The following GABRG1 variants were observed in gnomAD, a reference collection of about 807,000 sequenced individuals.
The protein encoded by GABRG1 is gamma-aminobutyric acid type A receptor subunit gamma1.
A neutral mutation model predicts 49.8 loss-of-function variants in GABRG1; 49 were observed. The observed-to-expected ratio is 0.98, with a 90% confidence interval of 0.78 to 1.25. The LOEUF is 1.25. Among genes scored for constraint, GABRG1 ranks in the 50% most tolerant of loss-of-function variants. The pLI is 0.00. For missense variants in GABRG1, 552 were observed against 552.3 expected, an observed-to-expected ratio of 1.00 and a Z score of 0.01; for synonymous variants, 232 against 185.1, an observed-to-expected ratio of 1.25 and a Z score of -2.06.
chr4:46,061,813 C>CT (rs144801321), intron 5 of GABRG1, among the ~76,000 whole-genome samples: 1 of 145,996 alleles, frequency 6.8e-6, no homozygotes, highest in East Asian at 2.0e-4. Context: ...TTACCACTTA[C>CT]ATTTTTTTTT....
chr4:46,106,490 T>TTTATTTTGC (rs1165309337), intron 1 of GABRG1, among the ~76,000 whole-genome samples: 1 of 151,474 alleles, frequency 6.6e-6, no homozygotes, highest in Non-Finnish European at 1.5e-5. Flanking sequence ...TTGCCATTGT[T>TTTATTTTGC]TTATTTTGCA....
At chr4:46,077,162 A>AG (rs1719381299) in intron 3 of GABRG1, among the ~76,000 whole-genome samples, 1 of 78,852 alleles carries the variant, frequency 1.3e-5, no homozygotes, top group African/African-American at 5.0e-5. Flanking sequence ...GGGTAGGGGG[A>AG]GGGGGGAGGG....
chr4:46,063,360 C>T (rs1055044339), intron 5 of GABRG1, among the ~76,000 whole-genome samples: 50 of 151,874 alleles, frequency 3.3e-4, no homozygotes, highest in East Asian at 1.6e-3. Flanking sequence ...TCAGAAATAA[C>T]GCCACATATC....
At chr4:46,101,866 C>T (rs1207872555) in intron 1 of GABRG1, among the ~76,000 whole-genome samples, 1 of 151,466 alleles carries the variant, frequency 6.6e-6, no homozygotes, top group Non-Finnish European at 1.5e-5. Context: ...AAACAGTTTG[C>T]TTTAATTGTC....
intron 8 of GABRG1, among the ~76,000 whole-genome samples, chr4:46,042,070 C>T (rs1717807895): frequency 6.6e-6 from 1 of 151,856 alleles, no homozygotes; most frequent in Admixed American, 6.6e-5. Context: ...ATGTTTTCTT[C>T]TGTACAAAAA....
intron 1 of GABRG1, among the ~76,000 whole-genome samples, chr4:46,101,642 T>A (rs771496435): frequency 6.6e-6 from 1 of 151,654 alleles, no homozygotes; most frequent in Non-Finnish European, 1.5e-5. Context: ...CATTTTCTAA[T>A]AAAGGAGAAA....
chr4:46,079,025 G>A (rs1719463459), intron 3 of GABRG1, among the ~76,000 whole-genome samples: 1 of 150,316 alleles, frequency 6.7e-6, no homozygotes, highest in African/African-American at 2.4e-5. Flanking sequence ...AATAAATAAT[G>A]TTTGTGACTT....
intron 2 of GABRG1, among the ~76,000 whole-genome samples, chr4:46,093,679 T>G (rs538549635): frequency 1.0e-3 from 159 of 152,140 alleles, no homozygotes; most frequent in African/African-American, 3.7e-3. Flanking sequence ...ACACATTCTA[T>G]GTGTATATAA....
At chr4:46,076,399 A>ATATATGC (rs1719333563) in intron 3 of GABRG1, among the ~76,000 whole-genome samples, 1 of 142,090 alleles carries the variant, frequency 7.0e-6, no homozygotes, top group Non-Finnish European at 1.5e-5. Context: ...ATATATATAT[A>ATATATGC]TATATGCTAA....
intron 5 of GABRG1, among the ~76,000 whole-genome samples, chr4:46,063,002 C>T (rs1281541588): frequency 6.6e-6 from 1 of 151,208 alleles, no homozygotes; most frequent in Non-Finnish European, 1.5e-5. Flanking sequence ...CAAACCACTG[C>T]TCAATGAAAT....
intron 1 of GABRG1, among the ~76,000 whole-genome samples, chr4:46,118,853 G>A (rs556218048): frequency 2.0e-5 from 3 of 151,308 alleles, no homozygotes; most frequent in Admixed American, 6.6e-5. Flanking sequence ...GCCTGAGAAC[G>A]CACTAACAAG....
intron 1 of GABRG1, among the ~76,000 whole-genome samples, chr4:46,123,067 T>TCTC (rs1721136776): frequency 2.1e-5 from 3 of 143,964 alleles, no homozygotes; most frequent in Admixed American, 7.0e-5. Context: ...GGTGACACTT[T>TCTC]TCTCTCTCTC....
At chr4:46,043,585 T>C (rs1162398848) in intron 8 of GABRG1, among the ~76,000 whole-genome samples, 2 of 151,964 alleles carry the variant, frequency 1.3e-5, no homozygotes, top group African/African-American at 2.4e-5. Flanking sequence ...GTCTTATTTA[T>C]CTGAAGTGCA....
rs980194596 is a variant in GABRG1 at position 46,036,872 on chromosome 4, C to T, written c.*4116G>A. 1 of 151,918 alleles carries T rather than the reference C, an allele frequency of 6.6e-6. No homozygotes were observed. The highest frequency in any genetic ancestry group is 2.1e-4 in the South Asian group (1 of 4,828). 9.4% of individuals were successfully genotyped at this position (151,918 alleles called of 1,614,324 possible). The stretch of plus-strand genomic sequence containing the variant: ...GTAATTTCCCCTAGCCTCCTGAAGT[C>T]CACATTCGTACTTCTCAGTTTATTG... On this transcript the variant is annotated 3_prime_UTR_variant, in exon 9 of 9. Coordinates refer to ENST00000295452, the MANE Select transcript of GABRG1 (RefSeq NM_173536.4).
rs1717738830 is a variant in GABRG1, at chr4:46,040,754, A to G, written c.*234T>C. 6.0e-6 allele frequency: 2 copies of G among 331,858 alleles called. No homozygotes were observed. The highest frequency in any genetic ancestry group is 1.1e-5 in the Non-Finnish European group (2 of 185,758). The allele number at this position is 331,858 out of a possible 1,614,324, so 20.6% of individuals were successfully genotyped here. A position where few individuals can be genotyped will look rare whatever the true frequency, so the allele number is the denominator to read the frequency against. Reference sequence around the variant, plus strand: ...TAAGTAAATTAAAGAAAATTTAAGTAAAAATATGTGAGTATTTTAACCTAC... The same window carrying G: ...TAAGTAAATTAAAGAAAATTTAAGTGAAAATATGTGAGTATTTTAACCTAC... On this transcript the variant is annotated 3_prime_UTR_variant, in exon 9 of 9. Coordinates refer to ENST00000295452, the MANE Select transcript of GABRG1 (RefSeq NM_173536.4).
chr4:46,078,220 A>T (rs1055563869), intron 3 of GABRG1, among the ~76,000 whole-genome samples: 27 of 152,152 alleles, frequency 1.8e-4, no homozygotes, highest in Admixed American at 1.2e-3. Flanking sequence ...AATTAATCAC[A>T]TCTAAGAAGA....
intron 8 of GABRG1, among the ~76,000 whole-genome samples, chr4:46,048,859 TA>T (rs1718107113): frequency 6.6e-6 from 1 of 151,962 alleles, no homozygotes; most frequent in Admixed American, 6.6e-5. Context: ...TCTTTGAAGC[TA>T]AAAATCTATT....
chr4:46,081,484 T>C (rs917852470), intron 3 of GABRG1, among the ~76,000 whole-genome samples: 40 of 151,704 alleles, frequency 2.6e-4, no homozygotes, highest in Admixed American at 5.3e-4. Flanking sequence ...GAAGATTACA[T>C]TGAGTAGGAG....
intron 3 of GABRG1, among the ~76,000 whole-genome samples, chr4:46,068,792 C>T (rs559271318): frequency 6.6e-6 from 1 of 150,886 alleles, no homozygotes; most frequent in Non-Finnish European, 1.5e-5. Context: ...TGTTCCTGTT[C>T]ACAGGTTATA....
Sources: gnomAD v4.1 joint callset for allele counts (sites outside exome capture counted in the v4.1 genomes callset) on GRCh38, gnomAD v4.1.1 for gene constraint, MANE v1.5 for transcripts, NCBI Gene and HGNC (gene_info 2026-07-23, HGNC 2026-07-21) for gene names.